The following MYO3B variants were observed in gnomAD, a reference collection of about 807,000 sequenced individuals.
MYO3B encodes myosin IIIB, also known as myosin-IIIb.
MYO3B carries 156 observed loss-of-function variants against 174.6 expected under a neutral mutation model. The observed-to-expected ratio is 0.89, with a 90% CI of 0.78 to 1.02. The LOEUF (loss-of-function observed/expected upper bound fraction) is 1.02, where lower values mean the gene tolerates loss of function less well. MYO3B is among the 50% of genes least tolerant of loss of function. The pLI is 0.00. For synonymous variants in MYO3B, 563 were observed against 569.1 expected, an observed-to-expected ratio of 0.99 and a Z score of 0.15; for missense variants, 1,632 against 1,639.4, an observed-to-expected ratio of 1.00 and a Z score of 0.08.
At chr2:170,423,869 G>A (rs772278300) in intron 22 of MYO3B, among the ~76,000 whole-genome samples, 13 of 152,176 alleles carry the variant, frequency 8.5e-5, no homozygotes, top group East Asian at 3.8e-4. Flanking sequence ...ATGAGCCACC[G>A]TGCCCAGCCC....
chr2:170,393,056 A>G (rs889469887), intron 16 of MYO3B, among the ~76,000 whole-genome samples: 2 of 150,234 alleles, frequency 1.3e-5, no homozygotes, highest in Non-Finnish European at 3.0e-5. Context: ...GTTGCACATT[A>G]TTAACTATAG....
At chr2:170,630,144 C>T (rs1374945010) in intron 32 of MYO3B, among the ~76,000 whole-genome samples, 1 of 152,180 alleles carries the variant, frequency 6.6e-6, no homozygotes, top group African/African-American at 2.4e-5. Context: ...GGGGATTTCC[C>T]TTTCCTAGCC....
rs974371667 is a variant in MYO3B at position 170,326,558 on chromosome 2, C to T, written c.750-8827C>T. 8.6e-5 allele frequency among the ~76,000 whole-genome samples: 13 copies of T among 151,662 alleles called. No homozygotes were observed. In the East Asian group the frequency reaches 1.6e-3, roughly 18 times the overall value. ...TAAATGACCACATTGGCTCAGACAA[C>T]GAGCCACACACCCACTTGTCCCCTC... On this transcript the variant is annotated intron_variant, in intron 7 of 34. Transcript: ENST00000408978.
chr2:170,464,627 G>A (rs1456974332), intron 24 of MYO3B, among the ~76,000 whole-genome samples: 2 of 152,154 alleles, frequency 1.3e-5, no homozygotes, highest in Non-Finnish European at 2.9e-5. Context: ...ATTGGGCTCG[G>A]TATGAATTGC....
At chr2:170,220,206 C>T (rs1042281540) in intron 6 of MYO3B, among the ~76,000 whole-genome samples, 5 of 151,470 alleles carry the variant, frequency 3.3e-5, no homozygotes, top group African/African-American at 7.3e-5. Context: ...TGCAGTGAGC[C>T]GAGATTGTGC....
At chr2:170,506,872 A>G (rs1687650724) in intron 28 of MYO3B, among the ~76,000 whole-genome samples, 1 of 152,208 alleles carries the variant, frequency 6.6e-6, no homozygotes, top group African/African-American at 2.4e-5. Context: ...GCACCATTGA[A>G]AGAAAAGGTC....
At chr2:170,620,091 G>A (rs1308161330) in intron 32 of MYO3B, among the ~76,000 whole-genome samples, 4 of 151,992 alleles carry the variant, frequency 2.6e-5, no homozygotes, top group African/African-American at 9.7e-5. Flanking sequence ...CATAATATGA[G>A]GTAAGGCTTA....
intron 32 of MYO3B, among the ~76,000 whole-genome samples, chr2:170,572,894 CTG>C (rs933365665): frequency 6.6e-5 from 10 of 152,086 alleles, no homozygotes; most frequent in Middle Eastern, 3.2e-3. Context: ...TAATTAATGA[CTG>C]TTTTTTCCCT....
At chr2:170,591,541 G>A (rs2106324235) in intron 32 of MYO3B, among the ~76,000 whole-genome samples, 2 of 152,248 alleles carry the variant, frequency 1.3e-5, no homozygotes, top group South Asian at 4.1e-4. Context: ...CAGTTGGCAG[G>A]TCTAGTGTAG....
chr2:170,485,602 G>T (rs1056326202), intron 25 of MYO3B, among the ~76,000 whole-genome samples: 1 of 152,138 alleles, frequency 6.6e-6, no homozygotes, highest in African/African-American at 2.4e-5. Context: ...TGACATTCAT[G>T]ATATTTATTT....
intron 32 of MYO3B, among the ~76,000 whole-genome samples, chr2:170,634,949 TA>T (rs757202075): frequency 6.6e-6 from 1 of 151,648 alleles, no homozygotes; most frequent in South Asian, 2.1e-4. Flanking sequence ...TGGCGATAAT[TA>T]AAAAGGAAAC....
chr2:170,406,677 C>T (rs1296683968), intron 21 of MYO3B, among the ~76,000 whole-genome samples: 4 of 52,554 alleles, frequency 7.6e-5, no homozygotes, highest in Non-Finnish European at 1.7e-4. Context: ...CCTACCCACC[C>T]GTCTTCTTGA....
chr2:170,613,687 A>G (rs561486008), intron 32 of MYO3B, among the ~76,000 whole-genome samples: 8 of 152,272 alleles, frequency 5.3e-5, no homozygotes, highest in African/African-American at 1.7e-4. Context: ...GGAAAGGCAG[A>G]CCCACCCTTA....
chr2:170,625,105 CT>C (rs1440767462), intron 32 of MYO3B, among the ~76,000 whole-genome samples: 2 of 152,198 alleles, frequency 1.3e-5, no homozygotes, highest in Non-Finnish European at 2.9e-5. Flanking sequence ...AGGATTTCGT[CT>C]TTTTCCATTG....
chr2:170,439,636 A>G (rs1403376968), intron 22 of MYO3B, among the ~76,000 whole-genome samples: 1 of 152,128 alleles, frequency 6.6e-6, no homozygotes, highest in Non-Finnish European at 1.5e-5. Context: ...TGCCAAGACT[A>G]ATGTTATGAA....
chr2:170,202,438 G>A (rs1407978649), intron 3 of MYO3B, among the ~76,000 whole-genome samples: 2 of 152,212 alleles, frequency 1.3e-5, no homozygotes, highest in East Asian at 1.9e-4. Flanking sequence ...GGAAACACAG[G>A]AATTCCTAGA....
Position 170,478,693 on chromosome 2 carries a change from G to A in MYO3B, c.3014+11982G>A, listed in dbSNP as rs190371280. Among the ~76,000 whole-genome samples, 320 of 150,432 alleles carry A rather than the reference G, an allele frequency of 2.1e-3. 2 individuals are homozygous for A. Among genetic ancestry groups the A allele is most frequent in the African/African-American group, 6.9e-3 (283 of 41,008 alleles). On this transcript the variant is annotated intron_variant, in intron 25 of 34. Transcript: ENST00000408978. ...AAGTGATTCTCCTGCCTCAGCCTCC[G>A]TAAGTAGCTGGGACTACAGCCAAGC...
At chr2:170,378,797 C>A (rs541829126) in intron 9 of MYO3B, among the ~76,000 whole-genome samples, 8 of 152,292 alleles carry the variant, frequency 5.3e-5, no homozygotes, top group African/African-American at 1.7e-4. Flanking sequence ...AAAATGTCAT[C>A]CAATGTGAAG....
chr2:170,278,536 A>C (rs1401283), intron 7 of MYO3B, among the ~76,000 whole-genome samples: 2 of 151,908 alleles, frequency 1.3e-5, no homozygotes, highest in Non-Finnish European at 1.5e-5. Flanking sequence ...TGTTTTATGC[A>C]TAGAATGTCT....
Sources: gnomAD v4.1 joint callset for allele counts (sites outside exome capture counted in the v4.1 genomes callset) on GRCh38, gnomAD v4.1.1 for gene constraint, MANE v1.5 for transcripts, NCBI Gene and HGNC (gene_info 2026-07-23, HGNC 2026-07-21) for gene names.